PBX1: variants seen among roughly 807,000 people sequenced by gnomAD.
PBX1 encodes pre-B-cell leukemia transcription factor 1.
A neutral mutation model predicts 53.4 loss-of-function variants in PBX1; 6 were observed. The ratio of observed to expected loss-of-function variants is 0.11; its 90% CI spans 0.06 to 0.22. PBX1 has a LOEUF of 0.22. Among genes scored for constraint, PBX1 ranks in the 10% least tolerant of loss-of-function variants. The probability of loss-of-function intolerance (pLI) is 1.00; values close to 1 mark genes in which losing one functional copy is unlikely to be tolerated. For missense variants in PBX1, 251 were observed against 551.4 expected (o/e 0.46, Z 5.46); for synonymous variants, 204 against 212.3 (o/e 0.96, Z 0.34).
At chr1:164,621,841 T>C (rs149054954) in intron 2 of PBX1, among the ~76,000 whole-genome samples, 1 of 152,256 alleles carries the variant, frequency 6.6e-6, no homozygotes, top group African/African-American at 2.4e-5. Context: ...TAGATTTTTT[T>C]TTTCTACAAT....
At chr1:164,603,929 A>ATTTTTT (rs71583414) in intron 2 of PBX1, among the ~76,000 whole-genome samples, 4,224 of 75,362 alleles carry the variant, frequency 0.056, 1,053 homozygotes, top group Non-Finnish European at 0.067. Flanking sequence ...ATGTCATTTC[A>ATTTTTT]TTTTTTTTTT....
intron 2 of PBX1, among the ~76,000 whole-genome samples, chr1:164,731,561 A>C (rs1300499717): frequency 2.0e-5 from 3 of 152,164 alleles, no homozygotes; most frequent in Admixed American, 1.3e-4. Flanking sequence ...GTTACTGGGA[A>C]ATGCAAACAA....
At position 164,866,011 on chromosome 1, in the gene PBX1, C is replaced by T. The variant is rs898026762; in HGVS notation, n.258-33177C>T. Among the ~76,000 whole-genome samples the T allele has an allele frequency of 2.0e-5, 3 of 152,172 alleles. No homozygotes were observed. In the East Asian group the frequency reaches 5.8e-4, roughly 29 times the overall value. On this transcript the variant is annotated intron_variant and non_coding_transcript_variant, in intron 2 of 2. Transcript: ENST00000558796. Reference sequence around the variant, plus strand: ...AAGTGGACTCAAGGCACACAGTTACCTCAATTCTTTCAGGAGAAAGGGGCA... The same window carrying T: ...AAGTGGACTCAAGGCACACAGTTACTTCAATTCTTTCAGGAGAAAGGGGCA...
intron 2 of PBX1, among the ~76,000 whole-genome samples, chr1:164,782,241 C>T (rs1667969522): frequency 6.6e-6 from 1 of 152,138 alleles, no homozygotes; most frequent in Non-Finnish European, 1.5e-5. Flanking sequence ...ATTTAGAGTA[C>T]TGCACCTTGT....
At chr1:164,641,591 C>G (rs1221015279) in intron 2 of PBX1, 3 of 152,250 alleles carry the variant, frequency 2.0e-5, no homozygotes, top group African/African-American at 4.8e-5. Context: ...CAGTGGCCTT[C>G]CCTCAGCTAT....
At chr1:164,728,201 C>A (rs538102855) in intron 2 of PBX1, among the ~76,000 whole-genome samples, 8 of 152,058 alleles carry the variant, frequency 5.3e-5, no homozygotes, top group Non-Finnish European at 1.2e-4. Context: ...CCTGTAGTTC[C>A]AGCTAGTCTG....
At chr1:164,735,321 T>C (rs1301807253) in intron 2 of PBX1, among the ~76,000 whole-genome samples, 1 of 152,184 alleles carries the variant, frequency 6.6e-6, no homozygotes, top group African/African-American at 2.4e-5. Flanking sequence ...CTATAAAACA[T>C]GTATGTTTTT....
At chr1:164,780,493 T>C (rs945826822) in intron 2 of PBX1, among the ~76,000 whole-genome samples, 1 of 152,106 alleles carries the variant, frequency 6.6e-6, no homozygotes, top group African/African-American at 2.4e-5. Context: ...CCATTTGACC[T>C]CCAGGTGTTG....
intron 2 of PBX1, among the ~76,000 whole-genome samples, chr1:164,764,912 ATT>A (rs1666988748): frequency 6.6e-6 from 1 of 152,154 alleles, no homozygotes; most frequent in African/African-American, 2.4e-5. Flanking sequence ...TATTCTTCTA[ATT>A]TAAGACTTTG....
chr1:164,625,634 T>C (rs2101865287), intron 2 of PBX1, among the ~76,000 whole-genome samples: 1 of 152,264 alleles, frequency 6.6e-6, no homozygotes, highest in African/African-American at 2.4e-5. Flanking sequence ...ATCAGTGTCT[T>C]TCTCACTGAG....
At chr1:164,570,387 T>C (rs561878479) in intron 2 of PBX1, among the ~76,000 whole-genome samples, 10 of 152,020 alleles carry the variant, frequency 6.6e-5, no homozygotes, top group Admixed American at 3.9e-4. Context: ...GGCCCCAGTG[T>C]GTGATGTTCC....
chr1:164,854,972 G>T, downstream of PBX1, among the ~76,000 whole-genome samples: 1 of 130,454 alleles, frequency 7.7e-6, no homozygotes. Flanking sequence ...TTTTTGAGAC[G>T]GGGTCTTGCT....
chr1:164,833,778 C>G (rs1327386167), intron 8 of PBX1, among the ~76,000 whole-genome samples: 1 of 152,000 alleles, frequency 6.6e-6, no homozygotes, highest in African/African-American at 2.4e-5. Context: ...TTTTAACCAG[C>G]AACCGGTCTA....
chr1:164,726,608 C>T (rs1428308127), intron 2 of PBX1, among the ~76,000 whole-genome samples: 5 of 152,190 alleles, frequency 3.3e-5, no homozygotes, highest in South Asian at 4.1e-4. Flanking sequence ...ATTAGCACTA[C>T]GCTTGACATC....
At chr1:164,740,824 G>C (rs539186045) in intron 2 of PBX1, among the ~76,000 whole-genome samples, 1 of 152,208 alleles carries the variant, frequency 6.6e-6, no homozygotes, top group Non-Finnish European at 1.5e-5. Context: ...TAGATATTTT[G>C]CTTAATTCTA....
intron 2 of PBX1, among the ~76,000 whole-genome samples, chr1:164,786,749 T>C (rs1032302645): frequency 1.4e-5 from 2 of 146,510 alleles, no homozygotes; most frequent in Admixed American, 6.8e-5. Flanking sequence ...ACGCACAGAA[T>C]AGATATCACA....
intron 2 of PBX1, among the ~76,000 whole-genome samples, chr1:164,862,757 A>G (rs1184150621): frequency 6.6e-6 from 1 of 152,176 alleles, no homozygotes; most frequent in Non-Finnish European, 1.5e-5. Flanking sequence ...AGCCAACACC[A>G]TTGCCAATAG....
intron 2 of PBX1, among the ~76,000 whole-genome samples, chr1:164,791,946 T>G (rs1668531755): frequency 6.6e-6 from 1 of 152,002 alleles, no homozygotes; most frequent in Non-Finnish European, 1.5e-5. Flanking sequence ...TGCCTCAGCC[T>G]CCCGAGTAGC....
In PBX1 at chr1:164,877,032, A is replaced by G. The variant is rs577614414; in HGVS notation, n.258-22156A>G. 3.9e-5 allele frequency among the ~76,000 whole-genome samples: 6 copies of G among 151,954 alleles called. No individual in the cohort carries two copies. The South Asian group carries it at 1.2e-3, about 32-fold the overall frequency. On this transcript the variant is annotated intron_variant and non_coding_transcript_variant, in intron 2 of 2. Transcript: ENST00000558796. The stretch of plus-strand genomic sequence containing the variant: ...GGAAGTACCATGTGCCAAATACTCC[A>G]CTAATGGCTTTATGTACATTATCTC...
Sources: gnomAD v4.1 joint callset for allele counts (sites outside exome capture counted in the v4.1 genomes callset) on GRCh38, gnomAD v4.1.1 for gene constraint, MANE v1.5 for transcripts, NCBI Gene and HGNC (gene_info 2026-07-23, HGNC 2026-07-21) for gene names.